The following DACH2 variants were observed in gnomAD, a reference collection of about 807,000 sequenced individuals.
The protein encoded by DACH2 is dachshund homolog 2.
In DACH2, 17 loss-of-function variants were observed where a neutral mutation model predicts 35.8. The ratio of observed to expected loss-of-function variants is 0.48; its 90% CI spans 0.33 to 0.71. DACH2 has a LOEUF of 0.71. DACH2 is among the 30% of genes least tolerant of loss of function. The pLI is 0.02. For synonymous variants in DACH2, 195 were observed against 177.3 expected (o/e 1.10, Z -0.79); for missense variants, 469 against 472.7 (o/e 0.99, Z 0.07).
chrX:86,477,364 ATATAT>A (rs2037861703), intron 2 of DACH2, among the ~76,000 whole-genome samples: 1 of 100,413 alleles, frequency 1.0e-5, no homozygotes, highest in African/African-American at 3.7e-5. Context: ...ATATATATAT[ATATAT>A]AATTGTTATA....
intron 2 of DACH2, among the ~76,000 whole-genome samples, chrX:86,400,760 C>T (rs2036411121): frequency 9.0e-6 from 1 of 111,361 alleles, no homozygotes. Flanking sequence ...AGAGGAGTAC[C>T]TTGCCGTGTG....
intron 3 of DACH2, among the ~76,000 whole-genome samples, chrX:86,609,841 C>A (rs1190360079): frequency 9.0e-6 from 1 of 111,499 alleles, no homozygotes; most frequent in African/African-American, 3.3e-5. Flanking sequence ...TCTGAGCCAC[C>A]TATTACTGGG....
chrX:86,206,207 A>G (rs1253724833), intron 1 of DACH2, among the ~76,000 whole-genome samples: 2 of 110,868 alleles, frequency 1.8e-5, no homozygotes, highest in Non-Finnish European at 3.8e-5. Context: ...AGTATTACAT[A>G]TGAATTTGCA....
intron 1 of DACH2, among the ~76,000 whole-genome samples, chrX:86,180,900 T>C (rs975159171): frequency 3.6e-5 from 4 of 111,487 alleles, no homozygotes; most frequent in Non-Finnish European, 7.5e-5. Context: ...TAGTTTTTTA[T>C]AGATTTCTAC....
Position 86,323,897 on chromosome X carries a change from T to A in DACH2, c.489-52927T>A, listed in dbSNP as rs756641251. Among the ~76,000 whole-genome samples, 5 of 111,950 alleles carry A rather than the reference T, an allele frequency of 4.5e-5. No homozygotes were observed. The East Asian group carries it at 1.4e-3, about 32-fold the overall frequency. ...CATGGCTCATTAATCAGCTGACAGATGCTTGGTTTTTAAAATAGTTCTTTG... is the reference window on the plus strand; with the variant it reads ...CATGGCTCATTAATCAGCTGACAGAAGCTTGGTTTTTAAAATAGTTCTTTG... On this transcript the variant is annotated intron_variant, in intron 1 of 11. Coordinates refer to ENST00000373125, the MANE Select transcript of DACH2 (RefSeq NM_053281.3).
At chrX:86,470,706 G>A (rs1428032524) in intron 2 of DACH2, among the ~76,000 whole-genome samples, 2 of 110,521 alleles carry the variant, frequency 1.8e-5, no homozygotes, top group African/African-American at 3.3e-5. Context: ...TTTGGGTGAT[G>A]GTTACACTAA....
At position 86,636,217 on chromosome X, in the gene DACH2, C is replaced by T. The variant is rs185507610; in HGVS notation, c.641-14819C>T. On this transcript the variant is annotated intron_variant, in intron 3 of 11. Transcript: ENST00000373125. ...ATCTCAACACTTTGGGAGGCTGAGGCGGGCAGATCACCTGAGGTCAGGAGT... is the reference window on the plus strand; with the variant it reads ...ATCTCAACACTTTGGGAGGCTGAGGTGGGCAGATCACCTGAGGTCAGGAGT... 1.3e-3 allele frequency among the ~76,000 whole-genome samples: 146 copies of T among 110,868 alleles called. No homozygotes were observed. In the East Asian group the frequency reaches 0.024, roughly 19 times the overall value.
intron 4 of DACH2, among the ~76,000 whole-genome samples, chrX:86,687,088 T>C (rs1401529764): frequency 1.8e-5 from 2 of 112,500 alleles, no homozygotes; most frequent in African/African-American, 6.5e-5. Flanking sequence ...TTATTAAGTC[T>C]ACTTTGAAGC....
At chrX:86,477,556 T>C (rs903094097) in intron 2 of DACH2, among the ~76,000 whole-genome samples, 13 of 109,143 alleles carry the variant, frequency 1.2e-4, no homozygotes, top group African/African-American at 4.3e-4. Flanking sequence ...TGTGTTTCTA[T>C]ATAGGTGAAG....
Position 86,667,613 on chromosome X carries a change from A to C in DACH2, c.772+16446A>C, listed in dbSNP as rs201906882. Among the ~76,000 whole-genome samples, 472 of 94,878 alleles carry C rather than the reference A, an allele frequency of 5.0e-3. 4 individuals are homozygous for C. Among genetic ancestry groups the C allele is most frequent in the African/African-American group, 7.6e-3 (178 of 23,331 alleles). The allele number at this position is 94,878 out of a possible 115,157, so 82.4% of individuals were successfully genotyped here. A position where few individuals can be genotyped will look rare whatever the true frequency, so the allele number is the denominator to read the frequency against. ...GAAAGAAAGAAAGAAAGAAAGAAAG[A>C]AAGGCAGGCAGGCCCTGGTCTTAAC... On this transcript the variant is annotated intron_variant, in intron 4 of 11. Coordinates refer to ENST00000373125, the MANE Select transcript of DACH2 (RefSeq NM_053281.3).
At chrX:86,668,936 C>A (rs1238183448) in intron 4 of DACH2, among the ~76,000 whole-genome samples, 1 of 111,107 alleles carries the variant, frequency 9.0e-6, no homozygotes, top group African/African-American at 3.3e-5. Flanking sequence ...ATCATTGAAG[C>A]ATGTATTATA....
intron 3 of DACH2, among the ~76,000 whole-genome samples, chrX:86,515,991 A>C (rs2038460812): frequency 8.9e-6 from 1 of 112,239 alleles, no homozygotes; most frequent in African/African-American, 3.2e-5. Context: ...TTAAATGTAG[A>C]GGCTAAGGTG....
At chrX:86,196,680 G>A (rs754002299) in intron 1 of DACH2, among the ~76,000 whole-genome samples, 311 of 64,745 alleles carry the variant, frequency 4.8e-3, no homozygotes, top group Non-Finnish European at 6.6e-3. Context: ...GTGACAAAGC[G>A]AGACTCCATC....
chrX:86,156,629 C>G (rs2030556140), intron 1 of DACH2, among the ~76,000 whole-genome samples: 1 of 110,700 alleles, frequency 9.0e-6, no homozygotes, highest in South Asian at 3.8e-4. Flanking sequence ...TAGGTGAAAA[C>G]CCAGTAGAGA....
intron 1 of DACH2, among the ~76,000 whole-genome samples, chrX:86,206,461 A>C (rs1335387714): frequency 4.5e-5 from 5 of 111,850 alleles, no homozygotes; most frequent in Non-Finnish European, 9.4e-5. Context: ...CTGTTGATAA[A>C]GTATGTACTG....
intron 1 of DACH2, among the ~76,000 whole-genome samples, chrX:86,249,062 G>T (rs886991846): frequency 2.2e-4 from 25 of 111,174 alleles, no homozygotes; most frequent in African/African-American, 8.2e-4. Context: ...ACACAAAATG[G>T]ATTAAAAACT....
chrX:86,156,028 C>G (rs1402713779), intron 1 of DACH2, among the ~76,000 whole-genome samples: 7 of 110,687 alleles, frequency 6.3e-5, no homozygotes, highest in Non-Finnish European at 1.1e-4. Flanking sequence ...ATGGTGGTAT[C>G]TCACCACATC....
intron 4 of DACH2, among the ~76,000 whole-genome samples, chrX:86,667,522 AAAGAAAGAAAGAAAGAAAGAAAGAAG>A (rs2040698728): frequency 1.6e-5 from 1 of 61,029 alleles, no homozygotes; most frequent in African/African-American, 8.6e-5. Flanking sequence ...AGAAAGAAAG[AAAGAAAGAAAGAAAGAAAGAAAGAAG>A]AAAGAAAGAA....
At chrX:86,796,003 C>A (rs189716894) in intron 7 of DACH2, among the ~76,000 whole-genome samples, 123 of 111,875 alleles carry the variant, frequency 1.1e-3, no homozygotes, top group African/African-American at 2.9e-3. Flanking sequence ...AAGAACAAAG[C>A]TGCCACAGCG....
Sources: allele counts gnomAD v4.1 joint callset (sites outside exome capture counted in the v4.1 genomes callset), GRCh38; gene constraint gnomAD v4.1.1; transcripts MANE v1.5; gene names NCBI Gene and HGNC (gene_info 2026-07-23, HGNC 2026-07-21).